The following FKBP5 variants were observed in gnomAD, a reference collection of about 807,000 sequenced individuals.
FKBP5 encodes the protein FKBP prolyl isomerase 5, also known as peptidyl-prolyl cis-trans isomerase FKBP5.
FKBP5 carries 23 observed loss-of-function variants against 50.5 expected under a neutral mutation model. The ratio of observed to expected loss-of-function variants is 0.46; its 90% CI spans 0.33 to 0.65. The LOEUF is 0.65. FKBP5 is among the 30% of genes least tolerant of loss of function. FKBP5 has a pLI of 0.02. For missense variants in FKBP5, 411 were observed against 553.1 expected, an observed-to-expected ratio of 0.74 and a Z score of 2.58; for synonymous variants, 176 against 190.6, an observed-to-expected ratio of 0.92 and a Z score of 0.63.
intron 1 of FKBP5, among the ~76,000 whole-genome samples, chr6:35,648,962 TAAA>T (rs1393059276): frequency 2.7e-5 from 4 of 148,472 alleles, no homozygotes; most frequent in Non-Finnish European, 6.0e-5. Flanking sequence ...AAAATAAAAA[TAAA>T]AAAAGGCCAG....
intron 3 of FKBP5, among the ~76,000 whole-genome samples, chr6:35,622,197 C>T (rs1418192784): frequency 6.6e-6 from 1 of 152,124 alleles, no homozygotes; most frequent in Non-Finnish European, 1.5e-5. Context: ...ATGTCAGCTA[C>T]ATTTATTTCA....
At chr6:35,642,881 C>A (rs1315042962) in intron 1 of FKBP5, 38 bp from the exon 2 acceptor site, 10 of 1,455,334 alleles carry the variant, frequency 6.9e-6, no homozygotes, top group Non-Finnish European at 9.6e-6. Context: ...GGAAAAATAT[C>A]ACTTCTTTAT....
chr6:35,705,057 C>T (rs576018885), intron 2 of FKBP5, among the ~76,000 whole-genome samples: 26 of 150,748 alleles, frequency 1.7e-4, no homozygotes, highest in African/African-American at 5.8e-4. Context: ...AAGAGAATGG[C>T]GTGAACCTGG....
At chr6:35,667,418 C>T (rs983346801) in intron 1 of FKBP5, among the ~76,000 whole-genome samples, 1 of 152,174 alleles carries the variant, frequency 6.6e-6, no homozygotes, top group Non-Finnish European at 1.5e-5. Context: ...GCCTATTACG[C>T]TTATGGCTCC....
chr6:35,598,991 T>C (rs988492032), intron 5 of FKBP5, among the ~76,000 whole-genome samples: 1 of 151,650 alleles, frequency 6.6e-6, no homozygotes, highest in African/African-American at 2.4e-5. Context: ...AATAAAAAAA[T>C]AAATAAATAA....
intron 1 of FKBP5, among the ~76,000 whole-genome samples, chr6:35,684,869 A>G (rs917526772): frequency 3.3e-5 from 5 of 152,130 alleles, no homozygotes; most frequent in African/African-American, 1.2e-4. Flanking sequence ...TCTACTAAAA[A>G]TTAAAAGTTT....
chr6:35,719,030 C>A (rs745486502), intron 2 of FKBP5, among the ~76,000 whole-genome samples: 2 of 152,164 alleles, frequency 1.3e-5, no homozygotes, highest in African/African-American at 4.8e-5. Flanking sequence ...CCACAGCTGG[C>A]CCTCCCCTTG....
In FKBP5 at chr6:35,576,065, T is replaced by C. The variant is rs998156813; in HGVS notation, c.1267-123A>G. On this transcript the variant is annotated intron_variant, in intron 10 of 10. Coordinates refer to ENST00000357266, the MANE Select transcript of FKBP5 (RefSeq NM_004117.4). ...TTGCAATGATTTTCTCTAGGATATC[T>C]AGCTGGGTAGGTCAGGGCTGTGCTA... 4 of 740,888 alleles carry C rather than the reference T, an allele frequency of 5.4e-6. No individual in the cohort carries two copies. The African/African-American group carries it at 6.9e-5, about 13-fold the overall frequency. The allele number at this position is 740,888 out of a possible 1,614,324, so 45.9% of individuals were successfully genotyped here. A position where few individuals can be genotyped will look rare whatever the true frequency, so the allele number is the denominator to read the frequency against.
At position 35,715,887 on chromosome 6, in the gene FKBP5, G is replaced by C. The variant is rs894921491; in HGVS notation, c.-20+4441C>G. Among the ~76,000 whole-genome samples, 4 of 152,218 alleles carry C rather than the reference G, an allele frequency of 2.6e-5. No individual in the cohort carries two copies. The South Asian group carries it at 8.3e-4, about 31-fold the overall frequency. The stretch of plus-strand genomic sequence containing the variant: ...TGAAGATGGGATCCTTCCAGCCCCT[G>C]TGCCATTAGAAACCCTGGGAGGGAA... On this transcript the variant is annotated intron_variant, in intron 2 of 11. Transcript: ENST00000536438.
intron 1 of FKBP5, among the ~76,000 whole-genome samples, chr6:35,657,482 T>G (rs929037726): frequency 6.6e-6 from 1 of 152,226 alleles, no homozygotes; most frequent in African/African-American, 2.4e-5. Flanking sequence ...TCTTTGATCA[T>G]TCTTGTGTAG....
chr6:35,585,607 T>G, intron 8 of FKBP5: 7 of 983,370 alleles, frequency 7.1e-6, no homozygotes, highest in Non-Finnish European at 8.5e-6. Flanking sequence ...TGGTGATCCA[T>G]AAGAGTTTAG....
intron 2 of FKBP5, among the ~76,000 whole-genome samples, chr6:35,695,958 C>T (rs1450116127): frequency 6.6e-6 from 1 of 151,516 alleles, no homozygotes; most frequent in Admixed American, 6.6e-5. Flanking sequence ...TCCTGGCTAA[C>T]ACGGTGAAAC....
chr6:35,691,133 G>A (rs1294809044), upstream of FKBP5, among the ~76,000 whole-genome samples: 11 of 152,134 alleles, frequency 7.2e-5, no homozygotes, highest in Non-Finnish European at 1.5e-4. Flanking sequence ...TGACATACAC[G>A]TAACATGTCA....
chr6:35,616,206 T>C (rs1263464275), intron 5 of FKBP5, among the ~76,000 whole-genome samples: 1 of 150,354 alleles, frequency 6.7e-6, no homozygotes, highest in African/African-American at 2.5e-5. Context: ...TCCCAGCTAC[T>C]TGGGAGGCTG....
At chr6:35,650,158 G>A (rs1302994883) in intron 1 of FKBP5, among the ~76,000 whole-genome samples, 1 of 151,946 alleles carries the variant, frequency 6.6e-6, no homozygotes, top group Non-Finnish European at 1.5e-5. Flanking sequence ...GACCAGCTTG[G>A]GCAACACAGT....
intron 2 of FKBP5, among the ~76,000 whole-genome samples, chr6:35,704,918 G>A (rs945673469): frequency 1.3e-5 from 2 of 151,594 alleles, no homozygotes; most frequent in Admixed American, 6.6e-5. Context: ...GAGGCGGGCG[G>A]ATCACGAGGT....
chr6:35,613,876 T>C (rs1381969394), intron 5 of FKBP5, among the ~76,000 whole-genome samples: 1 of 152,166 alleles, frequency 6.6e-6, no homozygotes, highest in East Asian at 1.9e-4. Flanking sequence ...GATTAGTCAT[T>C]GCCCTTTCTT....
intron 3 of FKBP5, among the ~76,000 whole-genome samples, chr6:35,621,618 CAAA>C (rs1200934935): frequency 1.1e-4 from 6 of 54,016 alleles, no homozygotes; most frequent in Admixed American, 5.9e-4. Context: ...ACTCTGTCTC[CAAA>C]AAAAAAAAAA....
chr6:35,712,945 TG>T (rs1277284751), intron 2 of FKBP5, among the ~76,000 whole-genome samples: 4 of 151,356 alleles, frequency 2.6e-5, no homozygotes, highest in Non-Finnish European at 4.4e-5. Context: ...GGTGTGGTGG[TG>T]GGTGCCTGTA....
Sources: allele counts gnomAD v4.1 joint callset (sites outside exome capture counted in the v4.1 genomes callset), GRCh38; gene constraint gnomAD v4.1.1; transcripts MANE v1.5; gene names NCBI Gene and HGNC (gene_info 2026-07-23, HGNC 2026-07-21).